Variants in NTNG1 observed in about 807,000 individuals in gnomAD.
NTNG1 encodes netrin G1, also known as netrin-G1.
NTNG1 carries 16 observed loss-of-function variants against 54.0 expected under a neutral mutation model. The ratio of observed to expected loss-of-function variants is 0.30; its 90% confidence interval spans 0.20 to 0.45. The LOEUF is 0.45. Among genes scored for constraint, NTNG1 ranks in the 20% least tolerant of loss-of-function variants. The probability of loss-of-function intolerance (pLI) is 1.00; values close to 1 mark genes in which losing one functional copy is unlikely to be tolerated. For synonymous variants in NTNG1, 255 were observed against 263.1 expected (o/e 0.97, Z 0.30); for missense variants, 530 against 678.7 (o/e 0.78, Z 2.43).
intron 2 of NTNG1, among the ~76,000 whole-genome samples, chr1:107,210,044 C>T (rs1659499892): frequency 6.6e-6 from 1 of 152,034 alleles, no homozygotes; most frequent in African/African-American, 2.4e-5. Flanking sequence ...AGGAGAGGAG[C>T]ATCACAGAAA....
intron 1 of NTNG1, among the ~76,000 whole-genome samples, chr1:107,145,895 G>A (rs189015219): frequency 2.3e-4 from 35 of 152,148 alleles, no homozygotes; most frequent in African/African-American, 7.9e-4. Context: ...TATTGGGATT[G>A]CTGTTGTGTC....
intron 7 of NTNG1, among the ~76,000 whole-genome samples, chr1:107,447,725 A>G (rs10881467): frequency 0.29 from 44,181 of 151,916 alleles, 6,672 homozygotes; most frequent in Non-Finnish European, 0.3. Context: ...AGCAAATGAG[A>G]TGAGATCATA....
intron 2 of NTNG1, among the ~76,000 whole-genome samples, chr1:107,290,970 T>C (rs544825256): frequency 1.4e-5 from 2 of 145,852 alleles, no homozygotes; most frequent in South Asian, 4.4e-4. Flanking sequence ...ATATTATATA[T>C]ATATATATAT....
chr1:107,169,356 A>C (rs774639215), intron 2 of NTNG1, among the ~76,000 whole-genome samples: 1 of 152,186 alleles, frequency 6.6e-6, no homozygotes, highest in Non-Finnish European at 1.5e-5. Flanking sequence ...TAGGGTATAC[A>C]AGTGCAGTTT....
chr1:107,297,220 T>TATATATATATATATATATACCATC, intron 2 of NTNG1, among the ~76,000 whole-genome samples: 1 of 33,938 alleles, frequency 2.9e-5, no homozygotes, highest in African/African-American at 9.0e-5. Flanking sequence ...TACCATCATA[T>TATATATATATATATATATACCATC]ATATATATAT....
chr1:107,240,700 G>T (rs1269708062), intron 2 of NTNG1, among the ~76,000 whole-genome samples: 1 of 152,126 alleles, frequency 6.6e-6, no homozygotes, highest in East Asian at 1.9e-4. Flanking sequence ...AGTCCAGTTT[G>T]ATTTTCATTG....
intron 2 of NTNG1, among the ~76,000 whole-genome samples, chr1:107,242,356 A>G (rs1044966241): frequency 2.6e-5 from 4 of 151,706 alleles, no homozygotes; most frequent in Non-Finnish European, 5.9e-5. Context: ...TCTCTCTCTC[A>G]CTCTCTCTTT....
chr1:107,442,659 C>G (rs892780137), intron 7 of NTNG1, among the ~76,000 whole-genome samples: 3 of 152,090 alleles, frequency 2.0e-5, no homozygotes, highest in African/African-American at 7.2e-5. Flanking sequence ...CTAACAATTT[C>G]AGGCTGAACA....
At chr1:107,398,288 TA>T (rs137974022) in intron 4 of NTNG1, among the ~76,000 whole-genome samples, 48 of 151,206 alleles carry the variant, frequency 3.2e-4, no homozygotes, top group African/African-American at 8.0e-4. Flanking sequence ...TAAAGTATAA[TA>T]AAAAAAAATA....
intron 5 of NTNG1, chr1:107,409,198 T>C (rs1673638738): frequency 6.6e-6 from 1 of 152,192 alleles, no homozygotes; most frequent in African/African-American, 2.4e-5. Context: ...CCTAACTGTA[T>C]ATATACCCCA....
intron 3 of NTNG1, among the ~76,000 whole-genome samples, chr1:107,386,326 G>A (rs1671998216): frequency 6.6e-6 from 1 of 151,518 alleles, no homozygotes; most frequent in South Asian, 2.1e-4. Flanking sequence ...CCCGCCACCA[G>A]GCCCAGCTAA....
At chr1:107,379,738 C>T (rs1671523956) in intron 3 of NTNG1, among the ~76,000 whole-genome samples, 1 of 152,060 alleles carries the variant, frequency 6.6e-6, no homozygotes, top group South Asian at 2.1e-4. Context: ...TCTTAACAAC[C>T]TAATAATGTA....
At chr1:107,480,029 C>G (rs1323297459) in intron 7 of NTNG1, among the ~76,000 whole-genome samples, 2 of 152,050 alleles carry the variant, frequency 1.3e-5, no homozygotes, top group Non-Finnish European at 2.9e-5. Context: ...TTTCTCTCTT[C>G]CCATCTGGCT....
intron 7 of NTNG1, among the ~76,000 whole-genome samples, chr1:107,443,397 T>TTTTTTTCC (rs1676100744): frequency 6.6e-6 from 1 of 151,838 alleles, no homozygotes. Context: ...GGAGGTTTTC[T>TTTTTTTCC]TTTTTTCTTT....
At chr1:107,162,004 A>G (rs183817961) in intron 2 of NTNG1, among the ~76,000 whole-genome samples, 1 of 151,978 alleles carries the variant, frequency 6.6e-6, no homozygotes, top group East Asian at 1.9e-4. Context: ...TATCCATTTG[A>G]TCTATATGAT....
At chr1:107,464,653 T>C (rs1677489413) in intron 7 of NTNG1, among the ~76,000 whole-genome samples, 1 of 152,050 alleles carries the variant, frequency 6.6e-6, no homozygotes, top group Admixed American at 6.6e-5. Flanking sequence ...CAGCAGCACA[T>C]CCAGTGACAA....
At chr1:107,331,758 A>G (rs551533983) in intron 3 of NTNG1, among the ~76,000 whole-genome samples, 1 of 152,200 alleles carries the variant, frequency 6.6e-6, no homozygotes, top group African/African-American at 2.4e-5. Context: ...TAACTTCCAC[A>G]TATAAGTCCA....
rs17019201 is a variant in NTNG1 at position 107,483,562 on chromosome 1, T to C, written c.*2722T>C. 9,997 of 152,304 alleles carry C rather than the reference T, an allele frequency of 0.066. 537 individuals are homozygous for C. Among genetic ancestry groups the C allele is most frequent in the African/African-American group, 0.14 (5,873 of 41,548 alleles). 9.4% of individuals were successfully genotyped at this position (152,304 alleles called of 1,614,324 possible). A position where few individuals can be genotyped will look rare whatever the true frequency, so the allele number is the denominator to read the frequency against. On this transcript the variant is annotated 3_prime_UTR_variant, in exon 8 of 8. Transcript: ENST00000370068. The stretch of plus-strand genomic sequence containing the variant: ...ACCTCAACTCAGTGGACTTGATTCA[T>C]CTGTTACTTTCCAGCATTCTTACAA...
At chr1:107,185,981 T>C (rs143327872) in intron 2 of NTNG1, among the ~76,000 whole-genome samples, 54 of 152,246 alleles carry the variant, frequency 3.5e-4, no homozygotes, top group African/African-American at 1.2e-3. Context: ...CCAAATATTG[T>C]ACATTGTACC....
Sources: allele counts gnomAD v4.1 joint callset (sites outside exome capture counted in the v4.1 genomes callset), GRCh38; gene constraint gnomAD v4.1.1; transcripts MANE v1.5; gene names NCBI Gene and HGNC (gene_info 2026-07-23, HGNC 2026-07-21).